TMEM232: variants seen among roughly 807,000 people sequenced by gnomAD.
TMEM232 encodes the protein transmembrane protein 232.
A neutral mutation model predicts 78.8 loss-of-function variants in TMEM232; 80 were observed. That is an observed-to-expected ratio of 1.01 (90% CI 0.85 to 1.22). TMEM232 has a LOEUF of 1.22. TMEM232 is among the 50% of genes most tolerant of loss of function. The probability of loss-of-function intolerance (pLI) is 0.00; values close to 1 mark genes in which losing one functional copy is unlikely to be tolerated. For missense variants in TMEM232, 881 were observed against 742.2 expected, an observed-to-expected ratio of 1.19 and a Z score of -2.17; for synonymous variants, 297 against 254.3, an observed-to-expected ratio of 1.17 and a Z score of -1.60.
At chr5:110,613,304 C>A (rs576914804) in intron 8 of TMEM232, among the ~76,000 whole-genome samples, 2 of 152,050 alleles carry the variant, frequency 1.3e-5, no homozygotes, top group African/African-American at 4.8e-5. Context: ...CAGGGAGATA[C>A]ATGATGAATT....
rs1443735170 is a variant in TMEM232 at position 110,552,171 on chromosome 5, A to C, written c.1455+16276T>G. ...ACAATAAATGTTCTAAAGTTCCAGA[A>C]TTTTCAAGTAAGTGGTAAAAGTAAT... On this transcript the variant is annotated intron_variant, in intron 11 of 13. Coordinates refer to ENST00000455884, the MANE Select transcript of TMEM232 (RefSeq NM_001039763.4). Among the ~76,000 whole-genome samples, 7 of 152,284 alleles carry C rather than the reference A, an allele frequency of 4.6e-5. No individual in the cohort carries two copies. In the East Asian group the frequency reaches 1.3e-3, roughly 29 times the overall value.
intron 10 of TMEM232, among the ~76,000 whole-genome samples, chr5:110,593,205 T>C (rs938080091): frequency 5.3e-5 from 8 of 152,126 alleles, no homozygotes; most frequent in Non-Finnish European, 1.0e-4. Context: ...TAGGTCTGCT[T>C]TGATGCCATT....
chr5:110,454,089 C>A (rs1760616190), intron 12 of TMEM232, among the ~76,000 whole-genome samples: 1 of 152,046 alleles, frequency 6.6e-6, no homozygotes, highest in South Asian at 2.1e-4. Flanking sequence ...CCTCTCTTGG[C>A]AATTAATATA....
intron 1 of TMEM232, among the ~76,000 whole-genome samples, chr5:110,714,316 T>C (rs1796805095): frequency 6.6e-6 from 1 of 152,204 alleles, no homozygotes; most frequent in African/African-American, 2.4e-5. Context: ...ATTAACCCTA[T>C]ATACAGTGGT....
chr5:110,716,610 A>T (rs999523711), intron 1 of TMEM232, among the ~76,000 whole-genome samples: 1 of 152,134 alleles, frequency 6.6e-6, no homozygotes, highest in African/African-American at 2.4e-5. Context: ...TCAAGTGGTA[A>T]TGTAAGCAAA....
intron 8 of TMEM232, among the ~76,000 whole-genome samples, chr5:110,615,677 C>A (rs952446868): frequency 6.6e-6 from 1 of 151,758 alleles, no homozygotes; most frequent in Admixed American, 6.6e-5. Flanking sequence ...TAAACAGGAA[C>A]GGAAACAATA....
At chr5:110,424,008 C>T (rs1164344819) in intron 13 of TMEM232, among the ~76,000 whole-genome samples, 1 of 152,088 alleles carries the variant, frequency 6.6e-6, no homozygotes, top group Non-Finnish European at 1.5e-5. Context: ...CTCGTTTTGT[C>T]ATTTCAAGGT....
chr5:110,583,242 C>T (rs1026382231), intron 10 of TMEM232, among the ~76,000 whole-genome samples: 4 of 151,930 alleles, frequency 2.6e-5, no homozygotes, highest in African/African-American at 9.7e-5. Flanking sequence ...TTACTGATTT[C>T]AAAGTATACT....
intron 11 of TMEM232, among the ~76,000 whole-genome samples, chr5:110,532,851 G>A (rs934752429): frequency 2.4e-4 from 36 of 152,042 alleles, no homozygotes; most frequent in African/African-American, 7.3e-4. Context: ...AGCATGCTTT[G>A]AAAGGATTAA....
chr5:110,585,496 A>C (rs746257941), intron 10 of TMEM232, among the ~76,000 whole-genome samples: 2 of 152,136 alleles, frequency 1.3e-5, no homozygotes, highest in Non-Finnish European at 2.9e-5. Flanking sequence ...TCAGGTTTTC[A>C]CAATGTTTGT....
chr5:110,676,873 C>A (rs901019222), intron 1 of TMEM232, among the ~76,000 whole-genome samples: 2 of 151,904 alleles, frequency 1.3e-5, no homozygotes, highest in African/African-American at 4.8e-5. Flanking sequence ...ATTCTCCTGC[C>A]TCAGCTTCCC....
At chr5:110,726,696 A>T (rs1561576830), upstream of TMEM232, 2 of 152,212 alleles carry the variant, frequency 1.3e-5, no homozygotes, top group African/African-American at 2.4e-5. Flanking sequence ...TCTGAGACAG[A>T]CGTTGCTCTT....
At chr5:110,392,643 C>T (rs1276959864) in intron 3 of TMEM232, among the ~76,000 whole-genome samples, 1 of 152,120 alleles carries the variant, frequency 6.6e-6, no homozygotes, top group African/African-American at 2.4e-5. Context: ...CTCTCTTAAT[C>T]TTCTTATAAG....
intron 12 of TMEM232, among the ~76,000 whole-genome samples, chr5:110,492,486 T>A (rs563202736): frequency 6.6e-6 from 1 of 152,102 alleles, no homozygotes; most frequent in South Asian, 2.1e-4. Flanking sequence ...TCACTATTCA[T>A]GATAAGACAT....
At chr5:110,542,779 G>A (rs1049358100) in intron 11 of TMEM232, among the ~76,000 whole-genome samples, 2 of 151,970 alleles carry the variant, frequency 1.3e-5, no homozygotes, top group African/African-American at 4.8e-5. Flanking sequence ...GAGGACCAGT[G>A]GCTACTTACT....
upstream of TMEM232, among the ~76,000 whole-genome samples, chr5:110,729,690 T>G (rs867057437): frequency 6.6e-6 from 1 of 152,242 alleles, no homozygotes; most frequent in South Asian, 2.1e-4. Flanking sequence ...TGGGCCATGA[T>G]AGCAGCACCC....
chr5:110,512,290 T>C (rs893773221), intron 12 of TMEM232, among the ~76,000 whole-genome samples: 5 of 152,180 alleles, frequency 3.3e-5, no homozygotes, highest in Admixed American at 1.3e-4. Flanking sequence ...ATTGAATAAA[T>C]AAACTTATGG....
At chr5:110,527,030 T>C (rs1255338469) in intron 12 of TMEM232, among the ~76,000 whole-genome samples, 1 of 151,958 alleles carries the variant, frequency 6.6e-6, no homozygotes, top group Non-Finnish European at 1.5e-5. Context: ...ATGTATTATA[T>C]TTGCATTTTA....
chr5:110,592,205 T>G (rs989261556), intron 10 of TMEM232, among the ~76,000 whole-genome samples: 2 of 152,174 alleles, frequency 1.3e-5, no homozygotes, highest in African/African-American at 4.8e-5. Context: ...AGTAGAAACA[T>G]GAAGCGGAAA....
Sources: allele counts gnomAD v4.1 joint callset (sites outside exome capture counted in the v4.1 genomes callset), GRCh38; gene constraint gnomAD v4.1.1; transcripts MANE v1.5; gene names NCBI Gene and HGNC (gene_info 2026-07-23, HGNC 2026-07-21).